The following SCN2A variants were observed in gnomAD, a reference collection of about 807,000 sequenced individuals.
SCN2A encodes the protein sodium voltage-gated channel alpha subunit 2, also known as sodium channel protein type 2 subunit alpha.
SCN2A carries 20 observed loss-of-function variants against 188.7 expected under a neutral mutation model. The observed-to-expected ratio is 0.11, with a 90% CI of 0.07 to 0.15. The LOEUF (loss-of-function observed/expected upper bound fraction) is 0.15, where lower values mean the gene tolerates loss of function less well. SCN2A is among the 10% of genes least tolerant of loss of function. SCN2A has a pLI of 1.00. For missense variants in SCN2A, 1,278 were observed against 2,445.0 expected (o/e 0.52, Z 10.07); for synonymous variants, 804 against 833.1 (o/e 0.97, Z 0.60).
At chr2:165,365,096 A>T (rs1700653923) in intron 17 of SCN2A, 47 bp from the exon 18 acceptor site, 1 of 1,552,694 alleles carries the variant, frequency 6.4e-7, no homozygotes. Flanking sequence ...TTATATTTAG[A>T]TTAAAGAAAA....
intron 12 of SCN2A, among the ~76,000 whole-genome samples, chr2:165,325,518 C>A (rs908070608): frequency 2.0e-5 from 3 of 152,090 alleles, no homozygotes; most frequent in African/African-American, 4.8e-5. Flanking sequence ...TAAATTCAAT[C>A]GAGTAATGTC....
chr2:165,267,187 C>T (rs1209044581), intron 1 of SCN2A: 1 of 151,956 alleles, frequency 6.6e-6, no homozygotes, highest in Non-Finnish European at 1.5e-5. Flanking sequence ...CCCAAACAGT[C>T]AAAGCAATCT....
intron 1 of SCN2A, chr2:165,269,219 A>C (rs1306777929): frequency 6.6e-6 from 1 of 152,130 alleles, no homozygotes; most frequent in Admixed American, 6.6e-5. Context: ...ATCATTTCAC[A>C]ATGCAAATAT....
chr2:165,320,955 C>T (rs1053597936), intron 11 of SCN2A, among the ~76,000 whole-genome samples: 4 of 152,210 alleles, frequency 2.6e-5, no homozygotes, highest in African/African-American at 9.6e-5. Context: ...TTGAATTTCT[C>T]TTCAGGAAAT....
intron 11 of SCN2A, among the ~76,000 whole-genome samples, chr2:165,317,368 G>T (rs1191161319): frequency 6.6e-6 from 1 of 150,676 alleles, no homozygotes; most frequent in Non-Finnish European, 1.5e-5. Context: ...GGGAGGGAGG[G>T]AGGGGGGAGA....
At chr2:165,301,356 G>A (rs1696798822) in intron 3 of SCN2A, among the ~76,000 whole-genome samples, 1 of 152,084 alleles carries the variant, frequency 6.6e-6, no homozygotes, top group African/African-American at 2.4e-5. Context: ...CATTGGACTA[G>A]GCTGCCAAAG....
intron 7 of SCN2A, 33 bp downstream of exon 7, chr2:165,310,628 T>C: frequency 1.3e-6 from 2 of 1,493,378 alleles, no homozygotes; most frequent in South Asian, 2.5e-5. Flanking sequence ...TTAAGTTGTT[T>C]AGTTCTCTAA....
At chr2:165,310,842 T>C (rs1697385407) in intron 7 of SCN2A, 1 of 228,764 alleles carries the variant, frequency 4.4e-6, no homozygotes, top group African/African-American at 2.3e-5. Flanking sequence ...TTTCATATTA[T>C]GCCATATTAA....
At position 165,310,536 on chromosome 2, in the gene SCN2A, G is replaced by GTAC. The variant is rs1469280756; in HGVS notation, c.916_918dup (p.Thr306dup). On this transcript the variant is annotated inframe_insertion, in exon 7 of 27. Coordinates refer to ENST00000375437, the MANE Select transcript of SCN2A (RefSeq NM_001040142.2). ...TTTAACAATTCATTGGATGGGAATG[G>GTAC]TACTACTTTCAATAGGACAGTGAGC... 6.2e-6 allele frequency: 10 copies of GTAC among 1,612,976 alleles called. No individual in the cohort carries two copies. The African/African-American group carries it at 1.2e-4, about 19-fold the overall frequency.
intron 14 of SCN2A, among the ~76,000 whole-genome samples, chr2:165,334,403 A>G (rs1698870363): frequency 6.6e-6 from 1 of 151,850 alleles, no homozygotes; most frequent in Non-Finnish European, 1.5e-5. Context: ...TAGAAGCCAA[A>G]TCACATAACA....
At chr2:165,257,925 T>C (rs1694401227) in intron 1 of SCN2A, among the ~76,000 whole-genome samples, 1 of 152,194 alleles carries the variant, frequency 6.6e-6, no homozygotes, top group Non-Finnish European at 1.5e-5. Context: ...CTTCTTGACA[T>C]GTATGTCACT....
intron 14 of SCN2A, among the ~76,000 whole-genome samples, chr2:165,336,496 T>C (rs1383416090): frequency 1.3e-5 from 2 of 151,948 alleles, no homozygotes; most frequent in Non-Finnish European, 2.9e-5. Flanking sequence ...TTACATATCA[T>C]ATTGCTACAT....
At chr2:165,267,631 A>G (rs1694929202) in intron 1 of SCN2A, 1 of 151,978 alleles carries the variant, frequency 6.6e-6, no homozygotes, top group African/African-American at 2.4e-5. Context: ...AAACAAAAGA[A>G]ATAATCAACA....
rs1698668543 is a variant in SCN2A at position 165,331,442 on chromosome 2, G to A, written c.2262G>A (p.Leu754=). The change falls in exon 14 of 27, where the codon CTG becomes CTA. Residue 754 remains leucine, a synonymous_variant. Coordinates refer to ENST00000375437, the MANE Select transcript of SCN2A (RefSeq NM_001040142.2). Reference sequence around the variant, plus strand: ...TAAAGGTGAAACACCTTGTCAACCTGGTTGTAATGGACCCATTTGTTGACC... The same window carrying A: ...TAAAGGTGAAACACCTTGTCAACCTAGTTGTAATGGACCCATTTGTTGACC... ...PWLKVKHLVN[L]VVMDPFVDLA... 1 of 1,613,792 alleles carries A rather than the reference G, an allele frequency of 6.2e-7. No homozygotes were observed. Among genetic ancestry groups the A allele is most frequent in the Non-Finnish European group, 8.5e-7 (1 of 1,179,748 alleles).
chr2:165,316,286 T>G (rs1279397209), intron 11 of SCN2A, among the ~76,000 whole-genome samples: 1 of 152,084 alleles, frequency 6.6e-6, no homozygotes, highest in Non-Finnish European at 1.5e-5. Context: ...CTGAGGGAGA[T>G]TTATGACACG....
intron 1 of SCN2A, among the ~76,000 whole-genome samples, chr2:165,258,123 T>G (rs1230463799): frequency 2.0e-5 from 3 of 152,210 alleles, no homozygotes; most frequent in Admixed American, 1.3e-4. Context: ...AGGTTGTCAG[T>G]TTACTCTGTT....
intron 1 of SCN2A, chr2:165,266,798 C>T (rs1434213583): frequency 6.6e-6 from 1 of 152,006 alleles, no homozygotes; most frequent in Admixed American, 6.6e-5. Flanking sequence ...CCTGTTAGAA[C>T]TAATAAATAA....
chr2:165,383,323 G>T (rs1389754129), intron 25 of SCN2A, among the ~76,000 whole-genome samples: 1 of 152,070 alleles, frequency 6.6e-6, no homozygotes, highest in Non-Finnish European at 1.5e-5. Context: ...AGAATAGAAA[G>T]CATCAATAGC....
Position 165,365,373 on chromosome 2 carries a change from G to GTATC in SCN2A, c.3520+133_3520+136dup, listed in dbSNP as rs3835934. The GTATC allele has an allele frequency of 0.095, 81,682 of 856,850 alleles. 4,651 individuals are homozygous for GTATC. Among genetic ancestry groups the GTATC allele is most frequent in the Middle Eastern group, 0.14 (592 of 4,302 alleles). 53.1% of individuals were successfully genotyped at this position (856,850 alleles called of 1,614,324 possible). A position where few individuals can be genotyped will look rare whatever the true frequency, so the allele number is the denominator to read the frequency against. ...TCTACCATCTATTATCTATCTATCT[G>GTATC]TATCTATCTATCTATCTATCTATCT... On this transcript the variant is annotated intron_variant, in intron 18 of 26. Coordinates refer to ENST00000375437, the MANE Select transcript of SCN2A (RefSeq NM_001040142.2).
Sources: gnomAD v4.1 joint callset for allele counts (sites outside exome capture counted in the v4.1 genomes callset) on GRCh38, gnomAD v4.1.1 for gene constraint, MANE v1.5 for transcripts, NCBI Gene and HGNC (gene_info 2026-07-23, HGNC 2026-07-21) for gene names.